Variants in DMD observed in about 807,000 individuals in gnomAD.
DMD encodes the protein dystrophin.
A neutral mutation model predicts 330.1 loss-of-function variants in DMD; 63 were observed. That is an observed-to-expected ratio of 0.19 (90% CI 0.16 to 0.24). The LOEUF is 0.24. Ranked by LOEUF, DMD falls within the 10% of genes least tolerant of loss-of-function variation. DMD has a pLI of 1.00. For synonymous variants in DMD, 1,223 were observed against 959.8 expected, an observed-to-expected ratio of 1.27 and a Z score of -5.07; for missense variants, 3,344 against 2,684.1, an observed-to-expected ratio of 1.25 and a Z score of -5.43.
chrX:33,025,610 T>C (rs1348405522), intron 1 of DMD, among the ~76,000 whole-genome samples: 1 of 112,314 alleles, frequency 8.9e-6, no homozygotes, highest in African/African-American at 3.2e-5. Context: ...TGGAGTGCAT[T>C]GGAACCATCA....
chrX:33,095,645 A>G (rs1014798899), intron 1 of DMD, among the ~76,000 whole-genome samples: 4 of 111,895 alleles, frequency 3.6e-5, no homozygotes, highest in African/African-American at 9.7e-5. Context: ...GGGGGCTATT[A>G]GCACTACCTC....
intron 74 of DMD, among the ~76,000 whole-genome samples, chrX:31,158,157 C>T (rs747359172): frequency 4.5e-5 from 5 of 111,392 alleles, no homozygotes; most frequent in Non-Finnish European, 9.4e-5. Context: ...ATGTTCATAG[C>T]TGCATTATCC....
intron 2 of DMD, among the ~76,000 whole-genome samples, chrX:32,912,426 G>A (rs1006033262): frequency 2.7e-5 from 3 of 110,504 alleles, no homozygotes; most frequent in African/African-American, 9.9e-5. Context: ...ATACCAGAGG[G>A]CACATACATG....
At chrX:32,430,439 A>C (rs1203582057) in intron 29 of DMD, among the ~76,000 whole-genome samples, 1 of 111,889 alleles carries the variant, frequency 8.9e-6, no homozygotes, top group Admixed American at 9.5e-5. Context: ...TATATAATTA[A>C]CATACACAAG....
At chrX:31,205,966 A>T (rs908139630) in intron 66 of DMD, among the ~76,000 whole-genome samples, 1 of 112,677 alleles carries the variant, frequency 8.9e-6, no homozygotes, top group African/African-American at 3.2e-5. Context: ...GGTCATCTGA[A>T]CCATCACTCC....
At chrX:33,058,563 A>G (rs1002574002) in intron 1 of DMD, among the ~76,000 whole-genome samples, 1 of 110,111 alleles carries the variant, frequency 9.1e-6, no homozygotes, top group Non-Finnish European at 1.9e-5. Flanking sequence ...TTGGCCTCCC[A>G]AAGTGCTGGG....
intron 26 of DMD, among the ~76,000 whole-genome samples, chrX:32,453,607 A>C (rs6631588): frequency 0.56 from 61,534 of 108,980 alleles, 14,244 homozygotes; most frequent in East Asian, 0.76. Flanking sequence ...ATAATGAGTC[A>C]TGGTCATTTA....
At chrX:31,163,447 C>T (rs1043543542) in intron 74 of DMD, among the ~76,000 whole-genome samples, 1 of 111,513 alleles carries the variant, frequency 9.0e-6, no homozygotes, top group African/African-American at 3.3e-5. Flanking sequence ...TGTAAATTGC[C>T]CCGTATGAAA....
At chrX:32,901,816 G>A (rs761041443) in intron 2 of DMD, among the ~76,000 whole-genome samples, 14 of 110,111 alleles carry the variant, frequency 1.3e-4, no homozygotes, top group Admixed American at 2.9e-4. Context: ...GGTCAGTTGC[G>A]GAGGACGACT....
chrX:32,246,658 T>C (rs773767228), intron 43 of DMD, among the ~76,000 whole-genome samples: 1 of 97,800 alleles, frequency 1.0e-5, no homozygotes, highest in Non-Finnish European at 2.0e-5. Flanking sequence ...ATTGGTCTAT[T>C]CAGAGATTCA....
chrX:32,920,264 G>C (rs1455450871), intron 2 of DMD, among the ~76,000 whole-genome samples: 1 of 111,476 alleles, frequency 9.0e-6, no homozygotes, highest in Non-Finnish European at 1.9e-5. Context: ...TGAAAGTTAT[G>C]AGTTACCAAT....
chrX:31,270,975 G>A (rs754428513), intron 62 of DMD, among the ~76,000 whole-genome samples: 1 of 111,728 alleles, frequency 9.0e-6, no homozygotes, highest in South Asian at 3.8e-4. Flanking sequence ...CTCAAGCTTG[G>A]CCGCCCTTTG....
chrX:32,766,342 T>TA (rs1448575665), intron 7 of DMD, among the ~76,000 whole-genome samples: 1 of 111,590 alleles, frequency 9.0e-6, no homozygotes, highest in African/African-American at 3.3e-5. Context: ...GGGGTTCCTT[T>TA]TCATTTATTT....
intron 71 of DMD, among the ~76,000 whole-genome samples, chrX:31,174,232 G>C (rs1159949892): frequency 9.0e-6 from 1 of 111,498 alleles, no homozygotes. Context: ...TTTTAAAAAA[G>C]AATGACTAAA....
chrX:32,669,739 G>C (rs1022568553), intron 9 of DMD, among the ~76,000 whole-genome samples: 1 of 111,068 alleles, frequency 9.0e-6, no homozygotes, highest in Middle Eastern at 4.6e-3. Flanking sequence ...CCTTCCTAAA[G>C]GCAAAGTGCC....
intron 16 of DMD, among the ~76,000 whole-genome samples, chrX:32,546,515 T>A (rs2048979315): frequency 1.8e-5 from 2 of 111,427 alleles, no homozygotes; most frequent in African/African-American, 6.5e-5. Flanking sequence ...AGGATCTTCT[T>A]ATTTCAGCTT....
chrX:31,627,918 G>T, intron 54 of DMD, 56 bp from the exon 55 acceptor site: 1 of 1,085,594 alleles, frequency 9.2e-7, no homozygotes, highest in Non-Finnish European at 1.3e-6. Flanking sequence ...GGTGCACCTA[G>T]TGAACTCCAT....
rs2044091108 is a variant in DMD at position 31,206,575 on chromosome X, G to A, written c.9649+7C>T. ...AAAAGAATACAGCATTAATATACAC[G>A]ACTTACATCTGTACTTGTCTTCCAA... is the stretch of plus-strand genomic sequence containing the variant. On this transcript the variant is annotated splice_region_variant and intron_variant, in intron 66 of 78. Coordinates refer to ENST00000357033, the MANE Select transcript of DMD (RefSeq NM_004006.3). 1.7e-6 allele frequency: 2 copies of A among 1,197,765 alleles called. No homozygotes were observed. The highest frequency in any genetic ancestry group is 1.1e-6 in the Non-Finnish European group (1 of 883,572).
intron 44 of DMD, among the ~76,000 whole-genome samples, chrX:32,015,866 A>T (rs2095756252): frequency 8.9e-6 from 1 of 111,804 alleles, no homozygotes; most frequent in African/African-American, 3.3e-5. Context: ...CTTTTATTTA[A>T]CTAATGACTG....
Sources: allele counts gnomAD v4.1 joint callset (sites outside exome capture counted in the v4.1 genomes callset), GRCh38; gene constraint gnomAD v4.1.1; transcripts MANE v1.5; gene names NCBI Gene and HGNC (gene_info 2026-07-23, HGNC 2026-07-21).